LRFN2: variants seen among roughly 807,000 people sequenced by gnomAD.
LRFN2 encodes leucine rich repeat and fibronectin type III domain containing 2.
A neutral mutation model predicts 37.3 loss-of-function variants in LRFN2; 18 were observed. The observed-to-expected ratio is 0.48, with a 90% confidence interval of 0.33 to 0.72. The LOEUF (loss-of-function observed/expected upper bound fraction) is 0.72. Among genes scored for constraint, LRFN2 ranks in the 30% least tolerant of loss-of-function variants. LRFN2 has a pLI of 0.02. For missense variants in LRFN2, 1,006 were observed against 1,060.7 expected, an observed-to-expected ratio of 0.95 and a Z score of 0.72; for synonymous variants, 556 against 466.6, an observed-to-expected ratio of 1.19 and a Z score of -2.47.
Position 40,536,647 on chromosome 6 carries a change from G to A in LRFN2, c.-19+50294C>T, listed in dbSNP as rs1036550740. On this transcript the variant is annotated intron_variant, in intron 1 of 2. Transcript: ENST00000338305. ...GCTGGAGGAACTCAGGACCCGTCCC[G>A]CAGAGTGCTGGGAGAGCTTGCCTGC... Among the ~76,000 whole-genome samples the A allele has an allele frequency of 1.3e-5, 2 of 152,146 alleles. 1 individual carries two copies. Among genetic ancestry groups the A allele is most frequent in the South Asian group, 4.1e-4 (2 of 4,824 alleles).
chr6:40,488,993 G>T (rs373964640), intron 1 of LRFN2, among the ~76,000 whole-genome samples: 2 of 152,196 alleles, frequency 1.3e-5, no homozygotes, highest in Non-Finnish European at 1.5e-5. Context: ...TGCTTTCAAG[G>T]TGTTGGCGTA....
chr6:40,423,924 T>C (rs1295367735), intron 2 of LRFN2, among the ~76,000 whole-genome samples: 1 of 152,204 alleles, frequency 6.6e-6, no homozygotes, highest in African/African-American at 2.4e-5. Context: ...CTGATGACCA[T>C]GCTACCCAGA....
At chr6:40,554,529 A>G (rs1000670543) in intron 1 of LRFN2, among the ~76,000 whole-genome samples, 50 of 152,332 alleles carry the variant, frequency 3.3e-4, no homozygotes, top group African/African-American at 1.1e-3. Context: ...GAAAGGTGCC[A>G]TGGGAATTGG....
chr6:40,411,931 G>C (rs1488496859), intron 2 of LRFN2, among the ~76,000 whole-genome samples: 1 of 152,018 alleles, frequency 6.6e-6, no homozygotes, highest in Non-Finnish European at 1.5e-5. Context: ...TTTGTTGACC[G>C]ATGTGTTCTA....
At chr6:40,454,496 G>A (rs1312124544) in intron 1 of LRFN2, among the ~76,000 whole-genome samples, 1 of 152,164 alleles carries the variant, frequency 6.6e-6, no homozygotes, top group African/African-American at 2.4e-5. Flanking sequence ...GGGCTGCAGG[G>A]AAGTTTTATA....
intron 1 of LRFN2, among the ~76,000 whole-genome samples, chr6:40,560,801 A>T (rs1766979275): frequency 6.6e-6 from 1 of 152,172 alleles, no homozygotes; most frequent in South Asian, 2.1e-4. Context: ...AGTGTTGGTT[A>T]TTTGTATGTT....
At chr6:40,555,879 A>G (rs944611530) in intron 1 of LRFN2, among the ~76,000 whole-genome samples, 2 of 152,166 alleles carry the variant, frequency 1.3e-5, no homozygotes, top group African/African-American at 4.8e-5. Context: ...CAATGTCCAT[A>G]TAATTTCTTA....
In LRFN2 at chr6:40,545,044, C is replaced by T. The variant is rs532950446; in HGVS notation, c.-19+41897G>A. On this transcript the variant is annotated intron_variant, in intron 1 of 2. Coordinates refer to ENST00000338305, the MANE Select transcript of LRFN2 (RefSeq NM_020737.3). The stretch of plus-strand genomic sequence containing the variant: ...TGGCTGACCCAGGGTCAGTCACTTC[C>T]CATCTCTGAGCCAGAGTATTGCAAA... 5.2e-4 allele frequency among the ~76,000 whole-genome samples: 79 copies of T among 152,282 alleles called. 2 individuals are homozygous for T. Among genetic ancestry groups the T allele is most frequent in the Non-Finnish European group, 1.3e-4 (9 of 68,024 alleles).
intron 1 of LRFN2, among the ~76,000 whole-genome samples, chr6:40,496,048 T>C (rs1396589024): frequency 6.6e-6 from 1 of 152,086 alleles, no homozygotes; most frequent in African/African-American, 2.4e-5. Flanking sequence ...AACTCAGAAA[T>C]GCCCCACCAT....
intron 1 of LRFN2, among the ~76,000 whole-genome samples, chr6:40,580,587 C>T (rs1033532176): frequency 2.0e-5 from 3 of 152,342 alleles, no homozygotes; most frequent in Non-Finnish European, 4.4e-5. Context: ...CCAGTTTCCT[C>T]ATCCATATAC....
At chr6:40,437,142 AATG>A (rs1436163153) in intron 1 of LRFN2, among the ~76,000 whole-genome samples, 2 of 152,146 alleles carry the variant, frequency 1.3e-5, no homozygotes, top group Admixed American at 1.3e-4. Flanking sequence ...GCACACAGGA[AATG>A]ATATTTGTCA....
At chr6:40,423,726 A>G (rs144151564) in intron 2 of LRFN2, among the ~76,000 whole-genome samples, 200 of 152,312 alleles carry the variant, frequency 1.3e-3, no homozygotes, top group Non-Finnish European at 2.5e-3. Flanking sequence ...AGGAGAAGTT[A>G]TTGGATGGGG....
At chr6:40,427,308 T>A (rs1403834586) in intron 2 of LRFN2, among the ~76,000 whole-genome samples, 1 of 152,250 alleles carries the variant, frequency 6.6e-6, no homozygotes, top group African/African-American at 2.4e-5. Flanking sequence ...ACAAGTTCAC[T>A]CCATCAGTTT....
chr6:40,581,517 A>G (rs1007985297), intron 1 of LRFN2, among the ~76,000 whole-genome samples: 2 of 152,186 alleles, frequency 1.3e-5, no homozygotes, highest in African/African-American at 4.8e-5. Flanking sequence ...TCTCACCTCC[A>G]TGACCCCAGA....
chr6:40,455,510 G>C (rs1333569499), intron 1 of LRFN2, among the ~76,000 whole-genome samples: 1 of 152,160 alleles, frequency 6.6e-6, no homozygotes, highest in Admixed American at 6.6e-5. Flanking sequence ...TCCTTATGGG[G>C]TACTAGCCAA....
At chr6:40,406,112 GC>G (rs1340799078) in intron 2 of LRFN2, among the ~76,000 whole-genome samples, 3 of 152,174 alleles carry the variant, frequency 2.0e-5, no homozygotes, top group African/African-American at 7.2e-5. Flanking sequence ...CGGGGTTCAA[GC>G]CCCAGTGCTG....
intron 1 of LRFN2, among the ~76,000 whole-genome samples, chr6:40,561,214 C>T (rs1267388588): frequency 6.6e-6 from 1 of 152,194 alleles, no homozygotes; most frequent in African/African-American, 2.4e-5. Flanking sequence ...TCCTCAGGGA[C>T]TGGTCCCCTA....
chr6:40,467,209 G>GA (rs757836806), intron 1 of LRFN2, among the ~76,000 whole-genome samples: 10 of 145,756 alleles, frequency 6.9e-5, no homozygotes, highest in Non-Finnish European at 1.4e-4. Flanking sequence ...TGATGATGAT[G>GA]TGTGTGTGTG....
At chr6:40,445,603 G>T (rs1260290242) in intron 1 of LRFN2, among the ~76,000 whole-genome samples, 2 of 152,210 alleles carry the variant, frequency 1.3e-5, no homozygotes, top group Non-Finnish European at 1.5e-5. Flanking sequence ...TGATTGGAGA[G>T]AGGTGGATCT....
Sources: allele counts gnomAD v4.1 joint callset (sites outside exome capture counted in the v4.1 genomes callset), GRCh38; gene constraint gnomAD v4.1.1; transcripts MANE v1.5; gene names NCBI Gene and HGNC (gene_info 2026-07-23, HGNC 2026-07-21).